The following TNIK variants were observed in gnomAD, a reference collection of about 807,000 sequenced individuals.
The protein encoded by TNIK is TRAF2 and NCK interacting kinase.
TNIK carries 49 observed loss-of-function variants against 191.3 expected under a neutral mutation model. The ratio of observed to expected loss-of-function variants is 0.26; its 90% CI spans 0.20 to 0.32. The LOEUF is 0.32. Ranked by LOEUF, TNIK falls within the 10% of genes least tolerant of loss-of-function variation. The pLI is 1.00. For missense variants in TNIK, 1,155 were observed against 1,702.3 expected (o/e 0.68, Z 5.66); for synonymous variants, 594 against 600.9 (o/e 0.99, Z 0.17).
At chr3:171,432,592 C>T (rs1040471024) in intron 1 of TNIK, among the ~76,000 whole-genome samples, 5 of 152,182 alleles carry the variant, frequency 3.3e-5, no homozygotes, top group Admixed American at 3.3e-4. Flanking sequence ...CTAAGCCTCT[C>T]TTTCACAATA....
intron 21 of TNIK, among the ~76,000 whole-genome samples, chr3:171,102,756 T>A (rs1195593833): frequency 6.6e-6 from 1 of 152,200 alleles, no homozygotes; most frequent in Admixed American, 6.5e-5. Context: ...CTCTCTTTAT[T>A]TCAATCCAGA....
In TNIK at chr3:171,103,063, G is replaced by GGGAAAGCAAAATGGCTT. The variant is rs550660947; in HGVS notation, c.2407-1447_2407-1431dup. On this transcript the variant is annotated intron_variant, in intron 21 of 32. Coordinates refer to ENST00000436636, the MANE Select transcript of TNIK (RefSeq NM_015028.4). ...TCTTTCTAATTTCATAGAAATCAAA[G>GGGAAAGCAAAATGGCTT]GGAAAGCAAAATGGCTTTTAAATTT... 3.3e-5 allele frequency among the ~76,000 whole-genome samples: 5 copies of GGGAAAGCAAAATGGCTT among 152,246 alleles called. No individual in the cohort carries two copies. In the South Asian group the frequency reaches 1.0e-3, roughly 32 times the overall value.
intron 12 of TNIK, among the ~76,000 whole-genome samples, chr3:171,141,161 C>T (rs1355747157): frequency 1.3e-5 from 2 of 152,210 alleles, no homozygotes; most frequent in African/African-American, 4.8e-5. Context: ...CAATCATCGT[C>T]ATCACCTCAT....
intron 1 of TNIK, among the ~76,000 whole-genome samples, chr3:171,443,337 T>C (rs1461488985): frequency 6.6e-6 from 1 of 152,086 alleles, no homozygotes; most frequent in Non-Finnish European, 1.5e-5. Context: ...ACCACGCCAA[T>C]TGCAACATAT....
At chr3:171,311,873 A>G (rs900536499) in intron 2 of TNIK, among the ~76,000 whole-genome samples, 1 of 152,030 alleles carries the variant, frequency 6.6e-6, no homozygotes, top group African/African-American at 2.4e-5. Context: ...AAACTCAGCC[A>G]CCTAGATTTT....
rs137877427 is a variant in TNIK, at chr3:171,262,413, G to T, written c.124-34192C>A. The stretch of plus-strand genomic sequence containing the variant: ...AAGCTGGTGTTTCACATCTCAATTT[G>T]TCTTGTCCCCCAGAGTCCATAAATC... On this transcript the variant is annotated intron_variant, in intron 2 of 32. Coordinates refer to ENST00000436636, the MANE Select transcript of TNIK (RefSeq NM_015028.4). Among the ~76,000 whole-genome samples, 642 of 152,018 alleles carry T rather than the reference G, an allele frequency of 4.2e-3. 6 individuals carry two copies. The highest frequency in any genetic ancestry group is 0.015 in the African/African-American group (603 of 41,458).
chr3:171,260,571 T>A (rs1249786584), intron 2 of TNIK, among the ~76,000 whole-genome samples: 2 of 152,182 alleles, frequency 1.3e-5, no homozygotes, highest in Admixed American at 6.5e-5. Flanking sequence ...CCATAATTAA[T>A]AGCATCTTTG....
intron 2 of TNIK, among the ~76,000 whole-genome samples, chr3:171,322,876 T>C (rs1452815641): frequency 6.6e-6 from 1 of 150,750 alleles, no homozygotes; most frequent in Non-Finnish European, 1.5e-5. Flanking sequence ...GTTGTGAAAC[T>C]CTGCCAAGTG....
intron 16 of TNIK, 53 bp downstream of exon 16, chr3:171,128,661 G>T: frequency 1.3e-6 from 2 of 1,549,108 alleles, no homozygotes; most frequent in East Asian, 4.5e-5. Context: ...TTTAATAATA[G>T]GTTTTCTTGT....
chr3:171,252,793 G>T (rs1278541315), intron 2 of TNIK, among the ~76,000 whole-genome samples: 1 of 152,146 alleles, frequency 6.6e-6, no homozygotes, highest in South Asian at 2.1e-4. Flanking sequence ...AATGGGGAGA[G>T]CACTCGGTTC....
intron 2 of TNIK, among the ~76,000 whole-genome samples, chr3:171,343,055 C>G (rs1248323614): frequency 1.3e-5 from 2 of 152,174 alleles, no homozygotes; most frequent in Non-Finnish European, 2.9e-5. Flanking sequence ...GTCGATTAAA[C>G]CTCTTTTTCT....
At chr3:171,414,084 C>T (rs1018989295) in intron 1 of TNIK, among the ~76,000 whole-genome samples, 2 of 152,184 alleles carry the variant, frequency 1.3e-5, no homozygotes, top group African/African-American at 2.4e-5. Flanking sequence ...GTTAGAGACT[C>T]GATGAATCTT....
At chr3:171,166,708 G>A (rs1185822612) in intron 10 of TNIK, among the ~76,000 whole-genome samples, 1 of 152,162 alleles carries the variant, frequency 6.6e-6, no homozygotes, top group Admixed American at 6.5e-5. Context: ...GTTGAAGAAT[G>A]TCAGTACAGA....
intron 2 of TNIK, among the ~76,000 whole-genome samples, chr3:171,278,585 A>G (rs1016480648): frequency 3.3e-5 from 5 of 152,358 alleles, no homozygotes; most frequent in East Asian, 1.9e-4. Context: ...AAATTGCCAT[A>G]TAACCTGGAG....
At chr3:171,226,397 G>A (rs1284822578) in intron 3 of TNIK, among the ~76,000 whole-genome samples, 2 of 152,116 alleles carry the variant, frequency 1.3e-5, no homozygotes, top group Admixed American at 1.3e-4. Flanking sequence ...CCTTAACTGT[G>A]GAGGCCATGC....
intron 26 of TNIK, among the ~76,000 whole-genome samples, chr3:171,083,894 G>A (rs1224491496): frequency 6.6e-6 from 1 of 152,004 alleles, no homozygotes; most frequent in Non-Finnish European, 1.5e-5. Flanking sequence ...TTCTCTTGTT[G>A]GCTTTAGCCT....
chr3:171,206,675 A>G, intron 4 of TNIK, among the ~76,000 whole-genome samples: 1 of 152,112 alleles, frequency 6.6e-6, no homozygotes, highest in East Asian at 1.9e-4. Flanking sequence ...CTGGTCCTGC[A>G]TCATCCACTA....
At chr3:171,253,161 A>G (rs1345661750) in intron 2 of TNIK, among the ~76,000 whole-genome samples, 2 of 151,370 alleles carry the variant, frequency 1.3e-5, no homozygotes, top group Admixed American at 1.3e-4. Flanking sequence ...GCAGGTGCCT[A>G]TAGTCCCAGC....
intron 15 of TNIK, among the ~76,000 whole-genome samples, chr3:171,137,324 C>G (rs1501609): frequency 5.0e-4 from 75 of 151,402 alleles, no homozygotes; most frequent in Non-Finnish European, 9.9e-4. Flanking sequence ...CTATCAATAT[C>G]TAAAGATTCT....
Sources: gnomAD v4.1 joint callset for allele counts (sites outside exome capture counted in the v4.1 genomes callset) on GRCh38, gnomAD v4.1.1 for gene constraint, MANE v1.5 for transcripts, NCBI Gene and HGNC (gene_info 2026-07-23, HGNC 2026-07-21) for gene names.